Variants in SNRPD2 observed in about 807,000 individuals in gnomAD.
SNRPD2 encodes the protein small nuclear ribonucleoprotein Sm D2.
A neutral mutation model predicts 11.5 loss-of-function variants in SNRPD2; 1 was observed. The ratio of observed to expected loss-of-function variants is 0.09; its 90% CI spans 0.03 to 0.41. The LOEUF is 0.41. Among genes scored for constraint, SNRPD2 ranks in the 10% least tolerant of loss-of-function variants. SNRPD2 has a pLI of 0.98. For missense variants in SNRPD2, 77 were observed against 154.9 expected (o/e 0.50, Z 2.67); for synonymous variants, 63 against 61.5 (o/e 1.02, Z -0.12).
chr19:45,689,313 C>T (rs1967481837), intron 1 of SNRPD2: 1 of 519,734 alleles, frequency 1.9e-6, no homozygotes, highest in Admixed American at 1.9e-5. Flanking sequence ...ACAGTCTGTT[C>T]TCCACAGAGT....
Position 45,687,589 on chromosome 19 carries a change from G to C in SNRPD2, c.321C>G (p.Ile107Met). The C allele has an allele frequency of 6.2e-7, 1 of 1,614,226 alleles. No homozygotes were observed. The change falls in exon 3 of 3, where the codon ATC becomes ATG. Residue 107 changes from isoleucine (I) to methionine (M), a missense_variant. Physicochemically the swap from Ile to Met is conservative, Grantham distance 10. Coordinates refer to ENST00000342669, the MANE Select transcript of SNRPD2 (RefSeq NM_001384647.1). This position sits in a 1 kb window ranked among gnomAD's most constrained non-coding sequence, Gnocchi z 4.1. ...SKMFLRGDSV[I>M]VVLRNPLIAG... ...CGATGAGCGGGTTCCGCAGGACCAC[G>C]ATGACTGAGTCCCCGCGCAGGAACA...
chr19:45,688,144 G>A lies in SNRPD2; in HGVS notation c.182+243C>T, dbSNP rs543071454. 1.3e-5 allele frequency among the ~76,000 whole-genome samples: 2 copies of A among 152,174 alleles called. No individual in the cohort carries two copies. Among genetic ancestry groups the A allele is most frequent in the Admixed American group, 6.5e-5 (1 of 15,270 alleles). ...TGTGAATACAGGCGTGCACCACCAC[G>A]CCTGGCTTTTATATTTTTAGTAGAG... On this transcript the variant is annotated intron_variant, in intron 2 of 2. Transcript: ENST00000342669. This position sits in a 1 kb window ranked among gnomAD's most constrained non-coding sequence, Gnocchi z 4.1.
Position 45,691,910 on chromosome 19 carries a change from T to G in SNRPD2, c.-22A>C. The G allele has an allele frequency of 6.2e-7, 1 of 1,614,156 alleles. No individual in the cohort carries two copies. Among genetic ancestry groups the G allele is most frequent in the Non-Finnish European group, 8.5e-7 (1 of 1,179,998 alleles). ...ACATGATGGTCACTACGCTCTCCGT[T>G]CACTCCCGTTTCCTCCGCGTTGCTG... is the stretch of plus-strand genomic sequence containing the variant. On this transcript the variant is annotated 5_prime_UTR_variant, in exon 1 of 3. Coordinates refer to ENST00000342669, the MANE Select transcript of SNRPD2 (RefSeq NM_001384647.1).
chr19:45,692,161 C>G, upstream of SNRPD2: 1 of 646,598 alleles, frequency 1.5e-6, no homozygotes, highest in South Asian at 2.0e-5. Flanking sequence ...CAGTCTGATT[C>G]AAACCGTTTC....
Position 45,688,631 on chromosome 19 carries a change from G to A in SNRPD2, c.3-65C>T, listed in dbSNP as rs1967467498. The A allele has an allele frequency of 3.8e-6, 5 of 1,322,346 alleles. No individual in the cohort carries two copies. Among genetic ancestry groups the A allele is most frequent in the Non-Finnish European group, 5.4e-6 (5 of 921,462 alleles). 81.9% of individuals were successfully genotyped at this position (1,322,346 alleles called of 1,614,324 possible). A position where few individuals can be genotyped will look rare whatever the true frequency, so the allele number is the denominator to read the frequency against. On this transcript the variant is annotated intron_variant, in intron 1 of 2. Transcript: ENST00000342669. The surrounding 1 kb of genome is among the most constrained non-coding windows in gnomAD (Gnocchi z 4.1). ...GGAGTTGAGAGGCTGGAGCTGTGAG[G>A]ATGGGTGATCAGGGCCTTGGCTTCA...
chr19:45,689,149 C>G (rs938362109), intron 1 of SNRPD2: 41 of 517,100 alleles, frequency 7.9e-5, no homozygotes, highest in African/African-American at 7.9e-4. Context: ...TTCTAGTTCT[C>G]TGGGCAAAAA....
intron 1 of SNRPD2, among the ~76,000 whole-genome samples, chr19:45,689,511 T>TACAAAACAAA (rs367980338): frequency 1.3e-5 from 2 of 151,452 alleles, no homozygotes; most frequent in East Asian, 3.9e-4. Flanking sequence ...CTACTAAAAA[T>TACAAAACAAA]ACAAAACAAA....
chr19:45,688,588 C>G lies in SNRPD2; in HGVS notation c.3-22G>C. On this transcript the variant is annotated intron_variant, in intron 1 of 2. Transcript: ENST00000342669. This position sits in a 1 kb window ranked among gnomAD's most constrained non-coding sequence, Gnocchi z 4.1. ...GCTCCTGCATGGACAAACATGGAAC[C>G]AATAAGTGAGAGAGGCTGGAGTTGA... The G allele has an allele frequency of 6.2e-7, 1 of 1,603,468 alleles. No individual in the cohort carries two copies. The highest frequency in any genetic ancestry group is 8.5e-7 in the Non-Finnish European group (1 of 1,170,534).
chr19:45,689,780 T>A (rs1967491135), intron 1 of SNRPD2, among the ~76,000 whole-genome samples: 1 of 152,038 alleles, frequency 6.6e-6, no homozygotes, highest in Admixed American at 6.6e-5. Context: ...ACGCCTGTAA[T>A]CCCAGCACTT....
At chr19:45,692,164 A>G, upstream of SNRPD2, 1 of 635,164 alleles carries the variant, frequency 1.6e-6, no homozygotes. Flanking sequence ...TCTGATTCAA[A>G]CCGTTTCTTG....
intron 1 of SNRPD2, chr19:45,689,322 G>A (rs1422164009): frequency 7.7e-6 from 4 of 518,378 alleles, no homozygotes; most frequent in Non-Finnish European, 1.5e-5. Flanking sequence ...TCTCCACAGA[G>A]TGGTCTGAGG....
At position 45,689,263 on chromosome 19, in the gene SNRPD2, G is replaced by A. The variant is rs532094682; in HGVS notation, c.3-697C>T. 1.5e-4 allele frequency: 78 copies of A among 520,102 alleles called. 4 individuals are homozygous for A. The highest frequency in any genetic ancestry group is 1.1e-3 in the South Asian group (77 of 71,594). 32.2% of individuals were successfully genotyped at this position (520,102 alleles called of 1,614,324 possible). On this transcript the variant is annotated intron_variant, in intron 1 of 2. Coordinates refer to ENST00000342669, the MANE Select transcript of SNRPD2 (RefSeq NM_001384647.1). ...CCTAAGCCTCTGTCATCTCTGTCCT[G>A]GAATCTTTCTGGTCTCTCTGCCTCC...
In SNRPD2 at chr19:45,691,905, T is replaced by C. The variant is rs1198169431; in HGVS notation, c.-17A>G. Reference sequence around the variant, plus strand: ...GCCTCACATGATGGTCACTACGCTCTCCGTTCACTCCCGTTTCCTCCGCGT... The same window carrying C: ...GCCTCACATGATGGTCACTACGCTCCCCGTTCACTCCCGTTTCCTCCGCGT... On this transcript the variant is annotated 5_prime_UTR_variant, in exon 1 of 3. Coordinates refer to ENST00000342669, the MANE Select transcript of SNRPD2 (RefSeq NM_001384647.1). 1.2e-6 allele frequency: 2 copies of C among 1,614,008 alleles called. No individual in the cohort carries two copies. Among genetic ancestry groups the C allele is most frequent in the Non-Finnish European group, 8.5e-7 (1 of 1,179,992 alleles).
In SNRPD2 at chr19:45,689,833, G is replaced by A. The variant is rs201712910; in HGVS notation, c.3-1267C>T. ...GTGGATCGCCTGAGCTCAGGAGTTC[G>A]AGACCACCCAGGGCAAGATGGTGAA... On this transcript the variant is annotated intron_variant, in intron 1 of 2. Transcript: ENST00000342669. 5.3e-5 allele frequency among the ~76,000 whole-genome samples: 8 copies of A among 150,354 alleles called. No homozygotes were observed. The East Asian group carries it at 1.4e-3, about 26-fold the overall frequency.
At chr19:45,691,845 C>T (rs777069717) in intron 1 of SNRPD2, 42 bp downstream of exon 1, 6 of 1,613,458 alleles carry the variant, frequency 3.7e-6, no homozygotes, top group Non-Finnish European at 5.1e-6. Flanking sequence ...AAATATCCAC[C>T]CTCAACCTCA....
At chr19:45,691,536 A>ATTTTT in intron 1 of SNRPD2, 5 of 185,638 alleles carry the variant, frequency 2.7e-5, no homozygotes, top group South Asian at 1.1e-4. Context: ...TCATAATTAA[A>ATTTTT]TTTTTTTTTT....
intron 1 of SNRPD2, among the ~76,000 whole-genome samples, chr19:45,689,006 T>C (rs534623571): frequency 7.2e-5 from 11 of 152,276 alleles, no homozygotes; most frequent in African/African-American, 2.6e-4. Flanking sequence ...GTGCTGAGAT[T>C]ATAGGCGTGA....
Position 45,688,378 on chromosome 19 carries a change from A to G in SNRPD2, c.182+9T>C. ...CTGCGGAGAACACCTCCCAGGACCC[A>G]GCACTCACCTATCGAAGGCCTTCAC... On this transcript the variant is annotated intron_variant, in intron 2 of 2. Coordinates refer to ENST00000342669, the MANE Select transcript of SNRPD2 (RefSeq NM_001384647.1). This position sits in a 1 kb window ranked among gnomAD's most constrained non-coding sequence, Gnocchi z 4.1. The G allele has an allele frequency of 6.2e-7, 1 of 1,613,822 alleles. No homozygotes were observed. The highest frequency in any genetic ancestry group is 8.5e-7 in the Non-Finnish European group (1 of 1,179,704).
At chr19:45,692,049 C>T (rs1377613465), upstream of SNRPD2, 15 of 1,572,944 alleles carry the variant, frequency 9.5e-6, no homozygotes, top group Non-Finnish European at 1.3e-5. Context: ...CATTCCCCAC[C>T]AACGGTGCAC....
Sources: allele counts gnomAD v4.1 joint callset (sites outside exome capture counted in the v4.1 genomes callset), GRCh38; gene constraint gnomAD v4.1.1; non-coding constraint Gnocchi (gnomAD v3.1); transcripts MANE v1.5; gene names NCBI Gene and HGNC (gene_info 2026-07-23, HGNC 2026-07-21).